Variants in SGCZ observed in about 807,000 individuals in gnomAD.
SGCZ encodes the protein zeta-sarcoglycan.
SGCZ carries 40 observed loss-of-function variants against 41.3 expected under a neutral mutation model. The observed-to-expected ratio is 0.97, with a 90% CI of 0.75 to 1.26. The LOEUF (loss-of-function observed/expected upper bound fraction) is 1.26, where lower values mean the gene tolerates loss of function less well. Ranked by LOEUF, SGCZ falls within the 50% of genes most tolerant of loss-of-function variation. The probability of loss-of-function intolerance (pLI) is 0.00; values close to 1 mark genes in which losing one functional copy is unlikely to be tolerated. For synonymous variants in SGCZ, 206 were observed against 137.5 expected (o/e 1.50, Z -3.49); for missense variants, 552 against 369.8 (o/e 1.49, Z -4.04).
intron 2 of SGCZ, among the ~76,000 whole-genome samples, chr8:14,529,751 C>T (rs1803067815): frequency 6.6e-6 from 1 of 152,058 alleles, no homozygotes; most frequent in Non-Finnish European, 1.5e-5. Context: ...GTCTATCTTC[C>T]TCCTTAAAAT....
At chr8:15,216,615 T>C (rs1801412074) in intron 1 of SGCZ, among the ~76,000 whole-genome samples, 1 of 152,122 alleles carries the variant, frequency 6.6e-6, no homozygotes, top group Non-Finnish European at 1.5e-5. Context: ...AAGAGAACTA[T>C]ATAGATATCC....
intron 3 of SGCZ, among the ~76,000 whole-genome samples, chr8:14,291,136 G>A (rs1005093649): frequency 6.6e-6 from 1 of 152,024 alleles, no homozygotes; most frequent in African/African-American, 2.4e-5. Flanking sequence ...CAAAAGTACA[G>A]AGTAAAATAG....
intron 4 of SGCZ, among the ~76,000 whole-genome samples, chr8:14,208,990 C>G (rs1348479713): frequency 1.3e-5 from 2 of 152,160 alleles, no homozygotes; most frequent in Non-Finnish European, 2.9e-5. Flanking sequence ...GCTGGAAGCT[C>G]TCTTGGGTGA....
chr8:14,409,359 A>T (rs887780485), intron 2 of SGCZ, among the ~76,000 whole-genome samples: 1 of 152,128 alleles, frequency 6.6e-6, no homozygotes, highest in African/African-American at 2.4e-5. Context: ...GATTTAAAAA[A>T]CTTAAAAAAT....
chr8:14,458,521 G>C (rs1359506723), intron 2 of SGCZ, among the ~76,000 whole-genome samples: 1 of 152,116 alleles, frequency 6.6e-6, no homozygotes, highest in Non-Finnish European at 1.5e-5. Context: ...ATTTTAAAAA[G>C]GGAAAGTCAA....
Position 14,104,329 on chromosome 8 carries a change from T to G in SGCZ, c.621-1830A>C, listed in dbSNP as rs554389356. The stretch of plus-strand genomic sequence containing the variant: ...TTATGGCAGAGAGAAGGATAGTCCC[T>G]CTACCACCTGGTTTTTCAAAGCATT... On this transcript the variant is annotated intron_variant, in intron 6 of 7. Transcript: ENST00000382080. Among the ~76,000 whole-genome samples, 17 of 152,234 alleles carry G rather than the reference T, an allele frequency of 1.1e-4. 1 individual carries two copies. The South Asian group carries it at 3.5e-3, about 32-fold the overall frequency.
intron 5 of SGCZ, among the ~76,000 whole-genome samples, chr8:14,144,815 C>A (rs1803474058): frequency 6.6e-6 from 1 of 152,020 alleles, no homozygotes; most frequent in Non-Finnish European, 1.5e-5. Context: ...GTCCTTGGGC[C>A]TTAAGGGAAT....
intron 1 of SGCZ, among the ~76,000 whole-genome samples, chr8:15,037,753 T>A (rs1466109388): frequency 2.6e-5 from 4 of 152,158 alleles, no homozygotes; most frequent in Admixed American, 2.6e-4. Context: ...AAAAACTGTT[T>A]AGAAATAATA....
chr8:14,408,514 C>T (rs113477840), intron 2 of SGCZ, among the ~76,000 whole-genome samples: 3,323 of 152,260 alleles, frequency 0.022, 95 homozygotes, highest in African/African-American at 0.06. Context: ...CCCTGAACTG[C>T]ACACATCTTC....
chr8:14,254,667 T>A (rs1453210950), intron 3 of SGCZ, among the ~76,000 whole-genome samples: 1 of 152,230 alleles, frequency 6.6e-6, no homozygotes, highest in Non-Finnish European at 1.5e-5. Flanking sequence ...ATTTTAAATG[T>A]CATCCTTTCC....
intron 1 of SGCZ, among the ~76,000 whole-genome samples, chr8:14,926,226 C>T (rs572944337): frequency 5.3e-5 from 8 of 151,948 alleles, no homozygotes; most frequent in Non-Finnish European, 1.0e-4. Flanking sequence ...ACTCATTTGT[C>T]GTTCAAATTT....
At chr8:14,862,303 A>T (rs142925313) in intron 1 of SGCZ, among the ~76,000 whole-genome samples, 6 of 151,950 alleles carry the variant, frequency 3.9e-5, no homozygotes, top group African/African-American at 1.4e-4. Flanking sequence ...CATTTGAGGG[A>T]CCTGTACTTT....
Position 14,911,656 on chromosome 8 carries a change from G to A in SGCZ, c.39+325929C>T, listed in dbSNP as rs1799283379. Among the ~76,000 whole-genome samples, 9 of 152,018 alleles carry A rather than the reference G, an allele frequency of 5.9e-5. No homozygotes were observed. The South Asian group carries it at 1.9e-3, about 32-fold the overall frequency. ...GCAGAGTGCTTTACTAATTAATGAA[G>A]TAATTTGTTACAATGAGAATATATC... On this transcript the variant is annotated intron_variant, in intron 1 of 7. Coordinates refer to ENST00000382080, the MANE Select transcript of SGCZ (RefSeq NM_139167.4).
intron 2 of SGCZ, among the ~76,000 whole-genome samples, chr8:14,484,548 A>G (rs1188678733): frequency 6.6e-6 from 1 of 152,176 alleles, no homozygotes; most frequent in Non-Finnish European, 1.5e-5. Flanking sequence ...AACAAATGTT[A>G]CAGTACAATG....
At chr8:14,972,388 G>C (rs1193628240) in intron 1 of SGCZ, among the ~76,000 whole-genome samples, 1 of 151,946 alleles carries the variant, frequency 6.6e-6, no homozygotes, top group African/African-American at 2.4e-5. Flanking sequence ...TGTTAACTTA[G>C]TTGTGCCTTC....
At chr8:14,199,715 C>T (rs759178012) in intron 4 of SGCZ, among the ~76,000 whole-genome samples, 9 of 151,966 alleles carry the variant, frequency 5.9e-5, no homozygotes, top group African/African-American at 2.2e-4. Context: ...AGAAAAGAAC[C>T]TACGTGAAAT....
At chr8:14,567,701 T>A (rs1333996822) in intron 1 of SGCZ, among the ~76,000 whole-genome samples, 2 of 152,142 alleles carry the variant, frequency 1.3e-5, no homozygotes, top group Non-Finnish European at 1.5e-5. Flanking sequence ...ACTCTTTGGG[T>A]GCACACTGTC....
At chr8:14,719,860 G>T (rs1489967933) in intron 1 of SGCZ, among the ~76,000 whole-genome samples, 42 of 151,976 alleles carry the variant, frequency 2.8e-4, no homozygotes, top group African/African-American at 7.9e-4. Context: ...TGAGTTTAAT[G>T]AGATCCCATT....
chr8:14,581,638 A>G (rs537388010), intron 1 of SGCZ, among the ~76,000 whole-genome samples: 21 of 152,154 alleles, frequency 1.4e-4, no homozygotes, highest in Non-Finnish European at 2.9e-4. Flanking sequence ...ATGTTGCTTC[A>G]GAGTCCAGAA....
Sources: allele counts gnomAD v4.1 joint callset (sites outside exome capture counted in the v4.1 genomes callset), GRCh38; gene constraint gnomAD v4.1.1; transcripts MANE v1.5; gene names NCBI Gene and HGNC (gene_info 2026-07-23, HGNC 2026-07-21).